The following FAM168A variants were observed in gnomAD, a reference collection of about 807,000 sequenced individuals.
The protein encoded by FAM168A is protein FAM168A.
In FAM168A, 3 loss-of-function variants were observed where a neutral mutation model predicts 28.5. The observed-to-expected ratio is 0.11, with a 90% CI of 0.05 to 0.27. The LOEUF (loss-of-function observed/expected upper bound fraction) is 0.27, where lower values mean the gene tolerates loss of function less well. Ranked by LOEUF, FAM168A falls within the 10% of genes least tolerant of loss-of-function variation. FAM168A has a pLI of 1.00. For synonymous variants in FAM168A, 122 were observed against 124.2 expected (o/e 0.98, Z 0.12); for missense variants, 222 against 311.5 (o/e 0.71, Z 2.16).
At chr11:73,568,226 TA>T (rs1944044794) in intron 1 of FAM168A, among the ~76,000 whole-genome samples, 1 of 152,204 alleles carries the variant, frequency 6.6e-6, no homozygotes. Flanking sequence ...TGTAGCCAAC[TA>T]ATCAAGGCTG....
Position 73,411,452 on chromosome 11 carries a change from T to G in FAM168A, c.362A>C (p.Tyr121Ser). 1.2e-6 allele frequency: 2 copies of G among 1,613,280 alleles called. No homozygotes were observed. Among genetic ancestry groups the G allele is most frequent in the Non-Finnish European group, 8.5e-7 (1 of 1,179,610 alleles). Residue 121 changes from tyrosine to serine, a missense_variant, in exon 5 of 8, where the codon TAT (tyrosine) becomes TCT (serine). Tyr to Ser is a moderately radical substitution (Grantham distance 144, BLOSUM62 -2). Around this residue, in one of 3 missense-constraint regions of FAM168A, gnomAD observed 153 missense variants for 189.2 expected, o/e 0.81. Transcript: ENST00000356467. The part of the protein sequence containing the change: ...PPPYSPSPNP[Y>S]QTAMYPIRSA... ...TCTGATTGGATACATGGCCGTCTGA[T>G]AGGGGTTGGGTGATGGGGAGTAGGG...
chr11:73,561,313 T>G (rs1262264257), intron 1 of FAM168A, among the ~76,000 whole-genome samples: 1 of 151,988 alleles, frequency 6.6e-6, no homozygotes, highest in Non-Finnish European at 1.5e-5. Context: ...AGGTGGAGGT[T>G]GCAGTGAGCC....
intron 1 of FAM168A, among the ~76,000 whole-genome samples, chr11:73,495,183 GC>G (rs1854847366): frequency 6.7e-6 from 1 of 149,902 alleles, no homozygotes; most frequent in Non-Finnish European, 1.5e-5. Flanking sequence ...CAAAAAATTA[GC>G]CAGGCATGGT....
intron 1 of FAM168A, among the ~76,000 whole-genome samples, chr11:73,479,947 T>C (rs1353283678): frequency 6.6e-6 from 1 of 152,220 alleles, no homozygotes; most frequent in Non-Finnish European, 1.5e-5. Context: ...TCCATTTCAG[T>C]GGTTTTTTTC....
chr11:73,556,908 A>T (rs1943898298), intron 1 of FAM168A, among the ~76,000 whole-genome samples: 2 of 152,002 alleles, frequency 1.3e-5, no homozygotes, highest in South Asian at 4.1e-4. Context: ...ACGCACCTAT[A>T]ATCCTAGCTA....
chr11:73,587,006 T>C (rs1011433809), intron 1 of FAM168A, among the ~76,000 whole-genome samples: 1 of 152,062 alleles, frequency 6.6e-6, no homozygotes, highest in Non-Finnish European at 1.5e-5. Context: ...TAGTAAAGGT[T>C]TGACAACATC....
chr11:73,457,770 GA>G lies in FAM168A; in HGVS notation c.70+10634del, dbSNP rs57333728. On this transcript the variant is annotated intron_variant, in intron 2 of 7. Transcript: ENST00000356467. ...AAAAAAGAAAAGAAAAGAAAGAAAA[GA>G]AAAAAAAGGCTAAAATGGTAAATTT... Among the ~76,000 whole-genome samples the G allele has an allele frequency of 5.0e-4, 54 of 107,006 alleles. No homozygotes were observed. In the East Asian group the frequency reaches 0.015, roughly 30 times the overall value. The allele number at this position is 107,006 out of a possible 152,430, so 70.2% of individuals were successfully genotyped here.
chr11:73,470,219 T>C (rs559586398), intron 1 of FAM168A, among the ~76,000 whole-genome samples: 1 of 152,294 alleles, frequency 6.6e-6, no homozygotes, highest in South Asian at 2.1e-4. Context: ...CGATCATAGA[T>C]GTTAAAATAA....
intron 1 of FAM168A, among the ~76,000 whole-genome samples, chr11:73,547,187 GAAGA>G (rs1421734179): frequency 6.7e-6 from 1 of 149,456 alleles, no homozygotes; most frequent in African/African-American, 2.5e-5. Flanking sequence ...GGAGGAGGAA[GAAGA>G]AAGAAGAAGA....
intron 6 of FAM168A, among the ~76,000 whole-genome samples, chr11:73,409,119 T>C (rs758776825): frequency 9.2e-5 from 14 of 152,132 alleles, no homozygotes; most frequent in Non-Finnish European, 1.6e-4. Flanking sequence ...TTCAGGACTT[T>C]CCACCATCTT....
intron 1 of FAM168A, among the ~76,000 whole-genome samples, chr11:73,477,809 G>A (rs1867909207): frequency 1.3e-5 from 2 of 152,026 alleles, no homozygotes; most frequent in South Asian, 4.1e-4. Context: ...CTAGCAACCT[G>A]CCTTTCAAAA....
intron 4 of FAM168A, among the ~76,000 whole-genome samples, chr11:73,411,857 G>A (rs529520873): frequency 3.9e-4 from 60 of 152,324 alleles, no homozygotes; most frequent in African/African-American, 1.4e-3. Flanking sequence ...GGAGCTGTCT[G>A]TGTGAAATGG....
rs1288021853 is a variant in FAM168A at position 73,507,000 on chromosome 11, G to T, written c.-18-38508C>A. On this transcript the variant is annotated intron_variant, in intron 1 of 7. Transcript: ENST00000356467. Reference sequence around the variant, plus strand: ...GGTTTTTAAAAAATCACACTTAAGAGTGTTGCAAATCTTTTATTATCATAT... The same window carrying T: ...GGTTTTTAAAAAATCACACTTAAGATTGTTGCAAATCTTTTATTATCATAT... Among the ~76,000 whole-genome samples, 4 of 152,120 alleles carry T rather than the reference G, an allele frequency of 2.6e-5. No individual in the cohort carries two copies. The East Asian group carries it at 7.7e-4, about 29-fold the overall frequency.
intron 3 of FAM168A, among the ~76,000 whole-genome samples, chr11:73,428,519 C>T (rs1165552010): frequency 6.6e-6 from 1 of 152,220 alleles, no homozygotes; most frequent in African/African-American, 2.4e-5. Context: ...ATCTTCTTCA[C>T]TCTTGATCTT....
chr11:73,496,872 A>AAC (rs1854890773), intron 1 of FAM168A, among the ~76,000 whole-genome samples: 1 of 117,462 alleles, frequency 8.5e-6, no homozygotes, highest in Non-Finnish European at 1.6e-5. Flanking sequence ...GTATGTTCTT[A>AAC]TCACACACAC....
rs1172372319 is a variant in FAM168A at position 73,586,229 on chromosome 11, G to T, written c.-19+11694C>A. ...ATCCCACCCTAGTCACTTATTGGCT[G>T]ATGGGCCTGCATAGGCTCAACATCT... is the stretch of plus-strand genomic sequence containing the variant. On this transcript the variant is annotated intron_variant, in intron 1 of 7. Coordinates refer to ENST00000356467, the MANE Select transcript of FAM168A (RefSeq NM_015159.3). Among the ~76,000 whole-genome samples the T allele has an allele frequency of 3.9e-5, 6 of 152,124 alleles. No individual in the cohort carries two copies. The East Asian group carries it at 1.2e-3, about 29-fold the overall frequency.
chr11:73,513,205 ATTTTTT>A (rs1046600591), intron 1 of FAM168A, among the ~76,000 whole-genome samples: 2 of 109,378 alleles, frequency 1.8e-5, no homozygotes, highest in African/African-American at 3.9e-5. Flanking sequence ...TTTTTTTTTA[ATTTTTT>A]TTTTTTTTTT....
chr11:73,550,808 GA>G (rs941045665), intron 1 of FAM168A, among the ~76,000 whole-genome samples: 5 of 149,922 alleles, frequency 3.3e-5, no homozygotes, highest in African/African-American at 4.9e-5. Context: ...AACAACATAT[GA>G]AAAAAAAAGG....
At chr11:73,565,003 C>T (rs1399667791) in intron 1 of FAM168A, among the ~76,000 whole-genome samples, 1 of 152,092 alleles carries the variant, frequency 6.6e-6, no homozygotes, top group African/African-American at 2.4e-5. Flanking sequence ...TTCCTGATTC[C>T]CTATCAAGAG....
Sources: allele counts gnomAD v4.1 joint callset (sites outside exome capture counted in the v4.1 genomes callset), GRCh38; gene constraint gnomAD v4.1.1; regional missense constraint gnomAD v4.1.1; transcripts MANE v1.5; gene names NCBI Gene and HGNC (gene_info 2026-07-23, HGNC 2026-07-21).